CCSER2: variants seen among roughly 807,000 people sequenced by gnomAD.
CCSER2 encodes coiled-coil serine rich protein 2, also known as serine-rich coiled-coil domain-containing protein 2.
A neutral mutation model predicts 92.3 loss-of-function variants in CCSER2; 46 were observed. That is an observed-to-expected ratio of 0.50 (90% CI 0.39 to 0.64). CCSER2 has a LOEUF of 0.64. Ranked by LOEUF, CCSER2 falls within the 30% of genes least tolerant of loss-of-function variation. CCSER2 has a pLI of 0.00. For missense variants in CCSER2, 1,244 were observed against 1,238.9 expected (o/e 1.00, Z -0.06); for synonymous variants, 433 against 431.4 (o/e 1.00, Z -0.04).
At chr10:84,337,754 C>A (rs1843920320) in intron 1 of CCSER2, among the ~76,000 whole-genome samples, 1 of 152,092 alleles carries the variant, frequency 6.6e-6, no homozygotes, top group Non-Finnish European at 1.5e-5. Context: ...AGGATGCATG[C>A]CAGGGAGACA....
intron 4 of CCSER2, among the ~76,000 whole-genome samples, chr10:84,419,355 CAA>C (rs538991185): frequency 4.4e-5 from 4 of 91,494 alleles, no homozygotes; most frequent in South Asian, 3.4e-4. Context: ...GCTCCCTTCT[CAA>C]AAAAAAAAAA....
chr10:84,374,418 T>G (rs186299545), intron 3 of CCSER2, among the ~76,000 whole-genome samples: 33 of 152,296 alleles, frequency 2.2e-4, no homozygotes, highest in African/African-American at 5.8e-4. Context: ...CTAAACTACT[T>G]TGATTTTGGG....
At chr10:84,488,348 C>T (rs558634542) in intron 9 of CCSER2, among the ~76,000 whole-genome samples, 2 of 152,232 alleles carry the variant, frequency 1.3e-5, no homozygotes, top group African/African-American at 2.4e-5. Context: ...TGGTAGAATT[C>T]GGCTGTGAAT....
rs573093442 is a variant in CCSER2, at chr10:84,466,508, GT to G, written c.2148+2506del. 5.2e-3 allele frequency among the ~76,000 whole-genome samples: 719 copies of G among 138,738 alleles called. 3 individuals carry two copies. The highest frequency in any genetic ancestry group is 0.012 in the African/African-American group (459 of 37,828). The allele number at this position is 138,738 out of a possible 152,430, so 91.0% of individuals were successfully genotyped here. ...TTGCTTTCTTTTTTTTGTTTTTTTGGTTTTTTTTTTTTTTGAGACAAAGTCT... is the reference window on the plus strand; with the variant it reads ...TTGCTTTCTTTTTTTTGTTTTTTTGGTTTTTTTTTTTTTGAGACAAAGTCT... On this transcript the variant is annotated intron_variant, in intron 7 of 9. Coordinates refer to ENST00000372088, the MANE Select transcript of CCSER2 (RefSeq NM_001284240.2).
intron 5 of CCSER2, among the ~76,000 whole-genome samples, chr10:84,427,148 C>G (rs1366639011): frequency 6.6e-6 from 1 of 152,158 alleles, no homozygotes; most frequent in African/African-American, 2.4e-5. Context: ...ATGAGTGATT[C>G]TTACTGAGGA....
intron 1 of CCSER2, among the ~76,000 whole-genome samples, chr10:84,364,701 C>T (rs867938122): frequency 4.0e-5 from 6 of 150,630 alleles, no homozygotes; most frequent in Admixed American, 1.3e-4. Flanking sequence ...GCTTGATTTA[C>T]AGTTTTAAAA....
At chr10:84,400,909 A>G (rs553862420) in intron 3 of CCSER2, among the ~76,000 whole-genome samples, 73 of 152,074 alleles carry the variant, frequency 4.8e-4, no homozygotes, top group African/African-American at 1.4e-3. Flanking sequence ...GCGAAACTCC[A>G]TCTCTAAATA....
chr10:84,370,011 A>C (rs1181991345), intron 1 of CCSER2, among the ~76,000 whole-genome samples: 1 of 151,988 alleles, frequency 6.6e-6, no homozygotes, highest in African/African-American at 2.4e-5. Context: ...CTATGTATGT[A>C]CTTTTATACC....
chr10:84,493,324 G>A (rs182544027), intron 9 of CCSER2, among the ~76,000 whole-genome samples: 140 of 152,134 alleles, frequency 9.2e-4, no homozygotes, highest in African/African-American at 3.3e-3. Flanking sequence ...TCTGATTTTG[G>A]TAATTTACCT....
At chr10:84,483,744 T>C (rs1460840450) in intron 9 of CCSER2, among the ~76,000 whole-genome samples, 1 of 151,096 alleles carries the variant, frequency 6.6e-6, no homozygotes, top group Non-Finnish European at 1.5e-5. Context: ...TGGGCAAAAT[T>C]ATTGGTTAAT....
chr10:84,440,230 C>T (rs115113303), intron 6 of CCSER2, among the ~76,000 whole-genome samples: 1,795 of 152,108 alleles, frequency 0.012, 36 homozygotes, highest in African/African-American at 0.041. Context: ...GTCATTATGG[C>T]CTCTGAACTC....
At chr10:84,409,760 G>T (rs1842555500) in intron 3 of CCSER2, among the ~76,000 whole-genome samples, 1 of 151,964 alleles carries the variant, frequency 6.6e-6, no homozygotes, top group South Asian at 2.1e-4. Flanking sequence ...ATTTTTCTTC[G>T]ACTTTTATTT....
intron 9 of CCSER2, among the ~76,000 whole-genome samples, chr10:84,497,537 T>A (rs1274867951): frequency 6.6e-6 from 1 of 152,232 alleles, no homozygotes; most frequent in Non-Finnish European, 1.5e-5. Context: ...GTTTTAAAAT[T>A]TCTTAGGTGG....
chr10:84,514,424 A>C lies in CCSER2; in HGVS notation c.*157A>C. ...AAGCTTCTACTAGTTTGGCTCCTTCATTTTATATCCTGGTTGAAGTACATG... is the reference window on the plus strand; with the variant it reads ...AAGCTTCTACTAGTTTGGCTCCTTCCTTTTATATCCTGGTTGAAGTACATG... On this transcript the variant is annotated 3_prime_UTR_variant, in exon 10 of 10. Transcript: ENST00000372088. 1 of 605,284 alleles carries C rather than the reference A, an allele frequency of 1.7e-6. No homozygotes were observed. Among genetic ancestry groups the C allele is most frequent in the South Asian group, 2.2e-5 (1 of 45,578 alleles). The allele number at this position is 605,284 out of a possible 1,614,324, so 37.5% of individuals were successfully genotyped here. A position where few individuals can be genotyped will look rare whatever the true frequency, so the allele number is the denominator to read the frequency against.
chr10:84,457,685 TA>T (rs1845851671), intron 6 of CCSER2, among the ~76,000 whole-genome samples: 3 of 126,872 alleles, frequency 2.4e-5, no homozygotes, highest in African/African-American at 8.7e-5. Flanking sequence ...TTATATAAAT[TA>T]TATATATTTA....
At position 84,342,964 on chromosome 10, in the gene CCSER2, C is replaced by G. The variant is rs546202009; in HGVS notation, c.-40+14156C>G. ...CTCTGCTCACTGCAACCTCTGCCTC[C>G]CGGGTTCAAGCAATTCTCCTGCTTC... On this transcript the variant is annotated intron_variant, in intron 1 of 9. Coordinates refer to ENST00000372088, the MANE Select transcript of CCSER2 (RefSeq NM_001284240.2). Among the ~76,000 whole-genome samples the G allele has an allele frequency of 4.4e-4, 67 of 152,208 alleles. 1 individual carries two copies. The South Asian group carries it at 5.0e-3, about 11-fold the overall frequency.
At chr10:84,331,475 G>A (rs1843559581) in intron 1 of CCSER2, among the ~76,000 whole-genome samples, 2 of 152,200 alleles carry the variant, frequency 1.3e-5, no homozygotes, top group South Asian at 4.1e-4. Flanking sequence ...AGTGGCTTCT[G>A]ATCACCATAT....
At chr10:84,440,265 T>G (rs1844445254) in intron 6 of CCSER2, among the ~76,000 whole-genome samples, 2 of 152,142 alleles carry the variant, frequency 1.3e-5, no homozygotes, top group Non-Finnish European at 2.9e-5. Flanking sequence ...CGGGTAAAAT[T>G]GACTTTATTT....
chr10:84,442,997 C>T (rs1260422119), intron 6 of CCSER2, among the ~76,000 whole-genome samples: 5 of 152,056 alleles, frequency 3.3e-5, no homozygotes, highest in African/African-American at 1.2e-4. Context: ...AAAATTAACT[C>T]GAGATGGATT....
Sources: gnomAD v4.1 joint callset for allele counts (sites outside exome capture counted in the v4.1 genomes callset) on GRCh38, gnomAD v4.1.1 for gene constraint, MANE v1.5 for transcripts, NCBI Gene and HGNC (gene_info 2026-07-23, HGNC 2026-07-21) for gene names.